Variants in COL14A1 observed in about 807,000 individuals in gnomAD.
COL14A1 encodes the protein collagen alpha-1(XIV) chain.
A neutral mutation model predicts 230.3 loss-of-function variants in COL14A1; 136 were observed. The observed-to-expected ratio is 0.59, with a 90% CI of 0.51 to 0.68. The LOEUF (loss-of-function observed/expected upper bound fraction) is 0.68, where lower values mean the gene tolerates loss of function less well. COL14A1 is among the 30% of genes least tolerant of loss of function. COL14A1 has a pLI of 0.00. For missense variants in COL14A1, 1,976 were observed against 2,215.8 expected (o/e 0.89, Z 2.17); for synonymous variants, 792 against 784.1 (o/e 1.01, Z -0.17).
At chr8:120,206,411 C>T (rs1357560044) in intron 9 of COL14A1, among the ~76,000 whole-genome samples, 1 of 152,152 alleles carries the variant, frequency 6.6e-6, no homozygotes, top group African/African-American at 2.4e-5. Flanking sequence ...AGTGCAGTGG[C>T]ACGATCTCGG....
In COL14A1 at chr8:120,229,381, G is replaced by T. The variant is rs1053197310; in HGVS notation, c.2197+612G>T. 6.8e-4 allele frequency among the ~76,000 whole-genome samples: 102 copies of T among 150,750 alleles called. 1 individual carries two copies. Among genetic ancestry groups the T allele is most frequent in the African/African-American group, 2.4e-3 (98 of 41,024 alleles). On this transcript the variant is annotated intron_variant, in intron 18 of 47. Transcript: ENST00000297848. The stretch of plus-strand genomic sequence containing the variant: ...GTGGTGTTTGGTTTTTTGTCCTTGC[G>T]ATAGTTTACTGAGAATGATGATTTC...
chr8:120,240,706 A>G (rs569822154), intron 19 of COL14A1, among the ~76,000 whole-genome samples: 3 of 152,352 alleles, frequency 2.0e-5, no homozygotes, highest in African/African-American at 7.2e-5. Flanking sequence ...ACTGTGTACT[A>G]TAACATTGTA....
At chr8:120,227,132 G>C (rs1415383140) in intron 16 of COL14A1, 88 bp from the exon 17 acceptor site, 1 of 1,455,572 alleles carries the variant, frequency 6.9e-7, no homozygotes, top group Non-Finnish European at 9.2e-7. Flanking sequence ...TTTATGATTG[G>C]TTGTTTCTTG....
intron 4 of COL14A1, among the ~76,000 whole-genome samples, chr8:120,166,908 GTGTGTGTGTGT>G (rs1815906322): frequency 6.7e-6 from 1 of 149,510 alleles, no homozygotes; most frequent in African/African-American, 2.5e-5. Context: ...GTGTGTGTGT[GTGTGTGTGTGT>G]GTGGTGGTGA....
rs1472356992 is a variant in COL14A1 at position 120,323,689 on chromosome 8, C to CT, written c.4659+7700dup. Among the ~76,000 whole-genome samples, 11 of 151,778 alleles carry CT rather than the reference C, an allele frequency of 7.2e-5. No individual in the cohort carries two copies. The East Asian group carries it at 1.5e-3, about 21-fold the overall frequency. On this transcript the variant is annotated intron_variant, in intron 40 of 47. Transcript: ENST00000297848. ...TGAATAGGGAGTCATTTCCCCATTG[C>CT]TTTTTTTTGTCAGGTTTCTCAAAGG... is the stretch of plus-strand genomic sequence containing the variant.
Position 120,196,834 on chromosome 8 carries a change from A to C in COL14A1, c.480A>C (p.Val160=). ...VCQTPAIADI[V]ILVDGSWSIG... is the part of the protein sequence containing the mutation. ...AAACTCCAGCAATTGCTGACATTGT[A>C]ATCCTGGTCGATGGTTCATGGAGTA... The change falls in exon 6 of 48, where the codon GTA becomes GTC. Residue 160 remains valine, a synonymous_variant. Transcript: ENST00000297848. 1 of 1,614,086 alleles carries C rather than the reference A, an allele frequency of 6.2e-7. No individual in the cohort carries two copies. Among genetic ancestry groups the C allele is most frequent in the Non-Finnish European group, 8.5e-7 (1 of 1,179,990 alleles).
Position 120,209,870 on chromosome 8 carries a change from T to C in COL14A1, c.1436T>C (p.Leu479Pro). ...ASGYLILYAP[L>P]TEGLAGDEKE... ...GGTTACCTGATCCTTTATGCTCCTC[T>C]AACAGAGGGCCTGGCTGGGGATGAA... is the stretch of plus-strand genomic sequence containing the variant. The change falls in exon 12 of 48, where the codon CTA (leucine) becomes CCA (proline). Residue 479 changes from leucine (L) to proline (P), a missense_variant. Physicochemically the swap from Leu to Pro is moderately conservative, Grantham distance 98. Coordinates refer to ENST00000297848, the MANE Select transcript of COL14A1 (RefSeq NM_021110.4). The C allele has an allele frequency of 6.2e-7, 1 of 1,611,842 alleles. No individual in the cohort carries two copies. Among genetic ancestry groups the C allele is most frequent in the Non-Finnish European group, 8.5e-7 (1 of 1,179,074 alleles).
chr8:120,364,847 C>T (rs1297658747), intron 45 of COL14A1, among the ~76,000 whole-genome samples: 1 of 151,012 alleles, frequency 6.6e-6, no homozygotes, highest in Admixed American at 6.6e-5. Flanking sequence ...TATGCCACTA[C>T]ACTCCAGCCT....
intron 16 of COL14A1, 79 bp downstream of exon 16, chr8:120,226,845 T>G: frequency 7.6e-7 from 1 of 1,312,630 alleles, no homozygotes; most frequent in Non-Finnish European, 1.1e-6. Context: ...GTCTTCACTT[T>G]AAAATATATT....
intron 4 of COL14A1, among the ~76,000 whole-genome samples, 181 bp downstream of exon 4, chr8:120,162,750 C>A (rs1209741369): frequency 6.6e-6 from 1 of 152,172 alleles, no homozygotes; most frequent in Non-Finnish European, 1.5e-5. Context: ...CTACCCTTCC[C>A]TTTCCCCCAT....
intron 26 of COL14A1, 54 bp downstream of exon 26, chr8:120,270,228 G>T (rs1819619624): frequency 2.0e-6 from 3 of 1,528,842 alleles, no homozygotes; most frequent in Non-Finnish European, 2.7e-6. Flanking sequence ...TATTTCTCCA[G>T]CTCTTATTAC....
intron 25 of COL14A1, among the ~76,000 whole-genome samples, chr8:120,268,453 C>T (rs922541790): frequency 2.6e-5 from 4 of 151,470 alleles, no homozygotes; most frequent in African/African-American, 4.8e-5. Flanking sequence ...GATATTATTC[C>T]GTAAACATTC....
chr8:120,233,265 A>G (rs1000806107), intron 19 of COL14A1, among the ~76,000 whole-genome samples: 15 of 152,084 alleles, frequency 9.9e-5, no homozygotes, highest in African/African-American at 3.1e-4. Flanking sequence ...GAAGCTCTTT[A>G]GTTTAATTAG....
At chr8:120,161,573 T>C (rs1336551144) in intron 3 of COL14A1, among the ~76,000 whole-genome samples, 2 of 152,202 alleles carry the variant, frequency 1.3e-5, no homozygotes, top group Non-Finnish European at 2.9e-5. Context: ...ATTAAATTGC[T>C]CATGTTTCAA....
At position 120,368,677 on chromosome 8, in the gene COL14A1, C is replaced by T. The variant is rs142600611; in HGVS notation, c.5156-653C>T. Among the ~76,000 whole-genome samples, 78 of 150,864 alleles carry T rather than the reference C, an allele frequency of 5.2e-4. 1 individual carries two copies. The highest frequency in any genetic ancestry group is 1.8e-3 in the African/African-American group (73 of 41,190). On this transcript the variant is annotated intron_variant, in intron 46 of 47. Coordinates refer to ENST00000297848, the MANE Select transcript of COL14A1 (RefSeq NM_021110.4). ...CAGTTTTAATCCTCCTATTTTTACT[C>T]AGTCTGAATTCTCAATTAATGTAAA...
intron 36 of COL14A1, among the ~76,000 whole-genome samples, chr8:120,305,432 A>T (rs371837532): frequency 3.4e-3 from 525 of 152,372 alleles, no homozygotes; most frequent in Middle Eastern, 0.014. Flanking sequence ...AATTATGACC[A>T]AAGAAATAGC....
intron 13 of COL14A1, 43 bp downstream of exon 13, chr8:120,212,620 C>A (rs199662847): frequency 1.2e-6 from 2 of 1,608,308 alleles, no homozygotes; most frequent in Admixed American, 1.7e-5. Flanking sequence ...TAGTAAAAGC[C>A]CACATGAATG....
At chr8:120,365,421 T>C (rs1823377047) in intron 45 of COL14A1, among the ~76,000 whole-genome samples, 1 of 152,200 alleles carries the variant, frequency 6.6e-6, no homozygotes, top group South Asian at 2.1e-4. Flanking sequence ...TGTTCCCTGT[T>C]GGCAAAGTGA....
At chr8:120,215,856 G>A (rs190998459) in intron 13 of COL14A1, among the ~76,000 whole-genome samples, 1 of 152,302 alleles carries the variant, frequency 6.6e-6, no homozygotes, top group East Asian at 1.9e-4. Context: ...AAGGCATCAA[G>A]AGTCAGTGAT....
Sources: gnomAD v4.1 joint callset for allele counts (sites outside exome capture counted in the v4.1 genomes callset) on GRCh38, gnomAD v4.1.1 for gene constraint, MANE v1.5 for transcripts, NCBI Gene and HGNC (gene_info 2026-07-23, HGNC 2026-07-21) for gene names.